Variants in ARMH3 observed in about 807,000 individuals in gnomAD.
The protein encoded by ARMH3 is armadillo like helical domain containing 3.
In ARMH3, 60 loss-of-function variants were observed where a neutral mutation model predicts 99.1. That is an observed-to-expected ratio of 0.61 (90% CI 0.49 to 0.75). ARMH3 has a LOEUF of 0.75. ARMH3 is among the 30% of genes least tolerant of loss of function. ARMH3 has a pLI of 0.00. For synonymous variants in ARMH3, 285 were observed against 292.8 expected, an observed-to-expected ratio of 0.97 and a Z score of 0.27; for missense variants, 679 against 843.1, an observed-to-expected ratio of 0.81 and a Z score of 2.41.
rs369020578 is a variant in ARMH3 at position 101,957,594 on chromosome 10, G to A, written c.1578+56C>T. 14 of 1,540,620 alleles carry A rather than the reference G, an allele frequency of 9.1e-6. No individual in the cohort carries two copies. The African/African-American group carries it at 1.1e-4, about 12-fold the overall frequency. On this transcript the variant is annotated intron_variant, in intron 21 of 25. Transcript: ENST00000370033. ...CCACCAGCTCCTGTTTCAAACCAGT[G>A]CATTTCTGCCTTAGCATATGGCTTC...
intron 24 of ARMH3, among the ~76,000 whole-genome samples, chr10:101,859,967 A>C (rs1373236768): frequency 6.6e-6 from 1 of 152,188 alleles, no homozygotes; most frequent in Non-Finnish European, 1.5e-5. Flanking sequence ...TTAGAGACCC[A>C]AAAGCTTCAG....
chr10:102,045,316 C>T (rs2136271152), intron 1 of ARMH3, among the ~76,000 whole-genome samples: 1 of 151,982 alleles, frequency 6.6e-6, no homozygotes, highest in Admixed American at 6.6e-5. Context: ...ATTTTCATTC[C>T]AGTAGAAGGG....
intron 24 of ARMH3, among the ~76,000 whole-genome samples, chr10:101,873,079 T>C (rs2067170777): frequency 6.6e-6 from 1 of 151,802 alleles, no homozygotes; most frequent in Admixed American, 6.6e-5. Flanking sequence ...GTTCGTTGAT[T>C]GGAATGAGAA....
intron 23 of ARMH3, among the ~76,000 whole-genome samples, chr10:101,900,825 AT>A (rs1255898093): frequency 6.6e-6 from 1 of 151,874 alleles, no homozygotes; most frequent in African/African-American, 2.4e-5. Flanking sequence ...TCTACAAAAA[AT>A]TTTTTTTAAA....
At chr10:101,973,447 A>G (rs762140940) in intron 20 of ARMH3, among the ~76,000 whole-genome samples, 6 of 152,216 alleles carry the variant, frequency 3.9e-5, no homozygotes, top group Admixed American at 6.5e-5. Context: ...ACACATGTAA[A>G]AAGTAAAATG....
chr10:101,982,031 AAAAAAAAAAAAAAC>A (rs1846256788), intron 19 of ARMH3, among the ~76,000 whole-genome samples: 1 of 150,862 alleles, frequency 6.6e-6, no homozygotes, highest in Non-Finnish European at 1.5e-5. Flanking sequence ...CAAAAAAAAA[AAAAAAAAAAAAAAC>A]AAAGACTGGG....
intron 24 of ARMH3, among the ~76,000 whole-genome samples, chr10:101,883,849 C>T (rs2067474672): frequency 6.6e-6 from 1 of 151,870 alleles, no homozygotes; most frequent in South Asian, 2.1e-4. Context: ...AAAAATTAGC[C>T]AGGCATGGTG....
intron 23 of ARMH3, among the ~76,000 whole-genome samples, chr10:101,897,423 G>T (rs1258159424): frequency 6.6e-6 from 1 of 152,210 alleles, no homozygotes; most frequent in African/African-American, 2.4e-5. Flanking sequence ...AGGAAAAAAG[G>T]TGGCTCAGAC....
At chr10:101,924,783 C>G (rs1186766369) in intron 23 of ARMH3, among the ~76,000 whole-genome samples, 1 of 152,112 alleles carries the variant, frequency 6.6e-6, no homozygotes, top group African/African-American at 2.4e-5. Flanking sequence ...CACCTGAGGT[C>G]AGAAGTTCAA....
chr10:102,050,992 A>G (rs978831072), intron 1 of ARMH3, among the ~76,000 whole-genome samples: 5 of 151,672 alleles, frequency 3.3e-5, no homozygotes, highest in Non-Finnish European at 5.9e-5. Flanking sequence ...TGCCTCTACT[A>G]AAAATATAAA....
intron 21 of ARMH3, 101 bp downstream of exon 21, chr10:101,957,549 T>C (rs1389534504): frequency 7.6e-7 from 1 of 1,317,178 alleles, no homozygotes; most frequent in Non-Finnish European, 1.0e-6. Context: ...TCTGGTTCCC[T>C]CTATGGCTTA....
At chr10:101,998,603 T>G (rs796902384) in intron 15 of ARMH3, among the ~76,000 whole-genome samples, 48 of 152,346 alleles carry the variant, frequency 3.2e-4, no homozygotes, top group African/African-American at 1.1e-3. Flanking sequence ...GGCTCCTTTC[T>G]GCTCTGGCAA....
At chr10:101,918,305 C>T (rs530985757) in intron 23 of ARMH3, among the ~76,000 whole-genome samples, 2 of 152,282 alleles carry the variant, frequency 1.3e-5, no homozygotes, top group South Asian at 2.1e-4. Flanking sequence ...CCGCTGCCCT[C>T]GGCCTCCCAA....
chr10:101,976,667 T>C (rs993648566), intron 19 of ARMH3, among the ~76,000 whole-genome samples: 3 of 152,126 alleles, frequency 2.0e-5, no homozygotes, highest in Admixed American at 2.0e-4. Flanking sequence ...CTGAATGTGG[T>C]TTTTATTTAA....
Position 101,957,676 on chromosome 10 carries a change from G to T in ARMH3, c.1552C>A (p.His518Asn). ...MSNETVLLAK[H>N]NIFTLALMIV... ...ATAAGGGCTAATGTAAAAATGTTGT[G>T]TTTGGCCAAAAGTACAGTCTCATTT... Residue 518 changes from histidine to asparagine, a missense_variant, in exon 21 of 26, where the codon CAC becomes AAC. Physicochemically the swap from His to Asn is moderately conservative, Grantham distance 68. This residue lies in a region of ARMH3 where 389 missense variants were observed against 456.5 expected (regional missense o/e 0.85). Coordinates refer to ENST00000370033, the MANE Select transcript of ARMH3 (RefSeq NM_024541.3). The T allele has an allele frequency of 1.2e-6, 2 of 1,606,770 alleles. No homozygotes were observed. Among genetic ancestry groups the T allele is most frequent in the Non-Finnish European group, 1.7e-6 (2 of 1,177,356 alleles).
intron 22 of ARMH3, among the ~76,000 whole-genome samples, chr10:101,956,216 C>T (rs1037079054): frequency 6.6e-6 from 1 of 152,154 alleles, no homozygotes; most frequent in African/African-American, 2.4e-5. Context: ...CACTAAGATT[C>T]CTTAAAATCC....
chr10:101,859,578 G>A (rs1029800761), intron 24 of ARMH3, among the ~76,000 whole-genome samples: 2 of 152,208 alleles, frequency 1.3e-5, no homozygotes, highest in Admixed American at 6.5e-5. Flanking sequence ...AATTATGTTT[G>A]ATCCATTCTG....
At chr10:101,931,248 C>T (rs1324438003) in intron 23 of ARMH3, among the ~76,000 whole-genome samples, 5 of 152,248 alleles carry the variant, frequency 3.3e-5, no homozygotes, top group South Asian at 4.1e-4. Context: ...CAGTGGGGGC[C>T]GGGTGCGATG....
chr10:101,951,867 C>CA lies in ARMH3; in HGVS notation c.1705+4729dup, dbSNP rs1248699204. 9.2e-3 allele frequency among the ~76,000 whole-genome samples: 396 copies of CA among 43,180 alleles called. 1 individual carries two copies. The highest frequency in any genetic ancestry group is 0.048 in the South Asian group (65 of 1,360). 28.3% of individuals were successfully genotyped at this position (43,180 alleles called of 152,430 possible). On this transcript the variant is annotated intron_variant, in intron 22 of 25. Transcript: ENST00000370033. ...TGGGCCACAGAGCGAGACTCCGTCT[C>CA]AAAAAAAAAAAAAAGAAGAAGAAGA...
Sources: allele counts gnomAD v4.1 joint callset (sites outside exome capture counted in the v4.1 genomes callset), GRCh38; gene constraint gnomAD v4.1.1; regional missense constraint gnomAD v4.1.1; transcripts MANE v1.5; gene names NCBI Gene and HGNC (gene_info 2026-07-23, HGNC 2026-07-21).